FCHSD2: variants seen among roughly 807,000 people sequenced by gnomAD.
FCHSD2 encodes FCH and double SH3 domains 2, also known as F-BAR and double SH3 domains protein 2.
A neutral mutation model predicts 108.1 loss-of-function variants in FCHSD2; 38 were observed. That is an observed-to-expected ratio of 0.35 (90% CI 0.27 to 0.46). The LOEUF (loss-of-function observed/expected upper bound fraction) is 0.46, where lower values mean the gene tolerates loss of function less well. Ranked by LOEUF, FCHSD2 falls within the 20% of genes least tolerant of loss-of-function variation. The pLI, the probability that FCHSD2 is intolerant of heterozygous loss-of-function variation, is 1.00. For synonymous variants in FCHSD2, 279 were observed against 314.7 expected, an observed-to-expected ratio of 0.89 and a Z score of 1.20; for missense variants, 751 against 897.8, an observed-to-expected ratio of 0.84 and a Z score of 2.09.
At chr11:72,893,761 A>C (rs951930189) in intron 10 of FCHSD2, among the ~76,000 whole-genome samples, 8 of 152,158 alleles carry the variant, frequency 5.3e-5, no homozygotes, top group Non-Finnish European at 1.2e-4. Flanking sequence ...AAAAAAAAAA[A>C]ACTCTAGTCC....
intron 14 of FCHSD2, among the ~76,000 whole-genome samples, chr11:72,844,927 C>A (rs548134043): frequency 2.4e-4 from 36 of 152,238 alleles, no homozygotes; most frequent in African/African-American, 7.2e-4. Flanking sequence ...CACTCATTTA[C>A]CCTTGATAGC....
chr11:73,084,545 C>G (rs1430690402), intron 2 of FCHSD2, among the ~76,000 whole-genome samples: 1 of 152,120 alleles, frequency 6.6e-6, no homozygotes, highest in African/African-American at 2.4e-5. Context: ...TGCACACCAC[C>G]ACATCTGGTT....
Position 72,843,478 on chromosome 11 carries a change from C to T in FCHSD2, c.1498G>A (p.Glu500Lys). 6.2e-7 allele frequency: 1 copy of T among 1,613,792 alleles called. No individual in the cohort carries two copies. The highest frequency in any genetic ancestry group is 1.1e-5 in the South Asian group (1 of 91,082). The change falls in exon 15 of 20, where the codon GAA (glutamate) becomes AAA (lysine). Residue 500 changes from glutamate to lysine, a missense_variant. Coordinates refer to ENST00000409418, the MANE Select transcript of FCHSD2 (RefSeq NM_014824.3). Reference sequence around the variant, plus strand: ...ACCCAGTCTTCCATATCTCCATCTTCAATCACTTCTAACACCTCATGTTCC... The same window carrying T: ...ACCCAGTCTTCCATATCTCCATCTTTAATCACTTCTAACACCTCATGTTCC... ...IEEHEVLEVIEDGDMEDWVKA... is the reference protein window; with the variant it reads ...IEEHEVLEVIKDGDMEDWVKA...
chr11:72,968,393 C>A (rs1387454022), intron 8 of FCHSD2, among the ~76,000 whole-genome samples: 1 of 152,142 alleles, frequency 6.6e-6, no homozygotes, highest in African/African-American at 2.4e-5. Context: ...ACGGTTACTC[C>A]TCTCCAGAGG....
Position 72,887,909 on chromosome 11 carries a change from G to A in FCHSD2, c.1042-335C>T, listed in dbSNP as rs1381621881. On this transcript the variant is annotated intron_variant, in intron 11 of 19. Coordinates refer to ENST00000409418, the MANE Select transcript of FCHSD2 (RefSeq NM_014824.3). ...CTTGTTCTATGGCATTAAGTTTGAGGTGGTTTGTTAAGCAACATTACATAA... is the reference window on the plus strand; with the variant it reads ...CTTGTTCTATGGCATTAAGTTTGAGATGGTTTGTTAAGCAACATTACATAA... 3.3e-5 allele frequency among the ~76,000 whole-genome samples: 5 copies of A among 152,302 alleles called. No individual in the cohort carries two copies. The East Asian group carries it at 5.8e-4, about 18-fold the overall frequency.
At chr11:72,871,128 G>A (rs1854849123) in intron 12 of FCHSD2, among the ~76,000 whole-genome samples, 1 of 152,240 alleles carries the variant, frequency 6.6e-6, no homozygotes, top group Admixed American at 6.5e-5. Context: ...AGTAACCACA[G>A]AACTAGTTTT....
intron 4 of FCHSD2, among the ~76,000 whole-genome samples, chr11:73,005,124 T>C (rs770280142): frequency 6.6e-6 from 1 of 152,242 alleles, no homozygotes; most frequent in Non-Finnish European, 1.5e-5. Flanking sequence ...TACTGGAGCA[T>C]TCTTATGAGC....
chr11:72,846,873 TTTC>T (rs1190095948), intron 14 of FCHSD2, among the ~76,000 whole-genome samples: 2 of 152,138 alleles, frequency 1.3e-5, no homozygotes, highest in Admixed American at 6.6e-5. Flanking sequence ...GACATAAGGG[TTTC>T]TTCTTATATA....
rs566284323 is a variant in FCHSD2 at position 72,877,407 on chromosome 11, A to G, written c.1147-9381T>C. 3.9e-5 allele frequency among the ~76,000 whole-genome samples: 6 copies of G among 152,264 alleles called. No homozygotes were observed. In the East Asian group the frequency reaches 9.6e-4, roughly 24 times the overall value. The stretch of plus-strand genomic sequence containing the variant: ...AGGGCTATATAATGGAAATATCACT[A>G]AGTATAGTCTTGTTCTTTCAAGGAG... On this transcript the variant is annotated intron_variant, in intron 12 of 19. Coordinates refer to ENST00000409418, the MANE Select transcript of FCHSD2 (RefSeq NM_014824.3).
intron 3 of FCHSD2, among the ~76,000 whole-genome samples, chr11:73,050,507 A>ATT (rs1858873762): frequency 6.6e-6 from 1 of 152,190 alleles, no homozygotes; most frequent in Non-Finnish European, 1.5e-5. Context: ...CTGAATATAT[A>ATT]AGGCTCTTAA....
At chr11:73,016,400 TTA>T (rs1485006700) in intron 3 of FCHSD2, among the ~76,000 whole-genome samples, 1 of 152,146 alleles carries the variant, frequency 6.6e-6, no homozygotes, top group African/African-American at 2.4e-5. Flanking sequence ...CCTTTTTTCA[TTA>T]TTGTCCAGTC....
chr11:72,910,673 G>A (rs1389846211), intron 9 of FCHSD2, among the ~76,000 whole-genome samples: 1 of 151,962 alleles, frequency 6.6e-6, no homozygotes, highest in African/African-American at 2.4e-5. Flanking sequence ...AGTACCCAGG[G>A]ATACAAACAC....
Position 72,917,470 on chromosome 11 carries a change from C to T in FCHSD2, c.828+4358G>A, listed in dbSNP as rs952197656. Among the ~76,000 whole-genome samples, 4 of 152,198 alleles carry T rather than the reference C, an allele frequency of 2.6e-5. 1 individual carries two copies. The highest frequency in any genetic ancestry group is 4.1e-4 in the South Asian group (2 of 4,830). On this transcript the variant is annotated intron_variant, in intron 9 of 19. Coordinates refer to ENST00000409418, the MANE Select transcript of FCHSD2 (RefSeq NM_014824.3). ...TATGTCTATACTTATGTCCATACCA[C>T]GCTATCTTTACTACTGTAACTTTAT...
intron 3 of FCHSD2, among the ~76,000 whole-genome samples, chr11:73,045,988 ATTT>A (rs11289761): frequency 2.9e-4 from 40 of 136,632 alleles, no homozygotes; most frequent in Admixed American, 3.6e-4. Flanking sequence ...AATTTCAGTA[ATTT>A]TTTTTTTTTT....
intron 9 of FCHSD2, among the ~76,000 whole-genome samples, chr11:72,905,477 T>C (rs896839521): frequency 5.9e-5 from 9 of 152,218 alleles, no homozygotes; most frequent in African/African-American, 1.2e-4. Context: ...CTAGGGTACA[T>C]AGGCACAACG....
Position 73,031,042 on chromosome 11 carries a change from G to C in FCHSD2, c.166-15157C>G, listed in dbSNP as rs570475349. ...ACTATTCAGCCTTAAAAAAAAGGGA[G>C]ATCCTGCTATTTGTCACAACATGTA... On this transcript the variant is annotated intron_variant, in intron 3 of 19. Transcript: ENST00000409418. 2.0e-5 allele frequency among the ~76,000 whole-genome samples: 3 copies of C among 152,132 alleles called. No individual in the cohort carries two copies. The South Asian group carries it at 6.2e-4, about 32-fold the overall frequency.
chr11:72,960,282 G>A (rs1435979800), intron 8 of FCHSD2, among the ~76,000 whole-genome samples: 1 of 151,960 alleles, frequency 6.6e-6, no homozygotes, highest in African/African-American at 2.4e-5. Context: ...GATTCATGAG[G>A]GATCCACCCT....
chr11:72,949,187 G>A (rs575883281), intron 8 of FCHSD2, among the ~76,000 whole-genome samples: 1 of 151,800 alleles, frequency 6.6e-6, no homozygotes, highest in East Asian at 1.9e-4. Context: ...GGTGGCTCAC[G>A]CCTGTAATCC....
intron 10 of FCHSD2, among the ~76,000 whole-genome samples, chr11:72,890,842 T>TC: frequency 6.6e-6 from 1 of 152,086 alleles, no homozygotes; most frequent in Non-Finnish European, 1.5e-5. Context: ...ATTTTAATTC[T>TC]CTCTAAATTC....
Sources: allele counts gnomAD v4.1 joint callset (sites outside exome capture counted in the v4.1 genomes callset), GRCh38; gene constraint gnomAD v4.1.1; transcripts MANE v1.5; gene names NCBI Gene and HGNC (gene_info 2026-07-23, HGNC 2026-07-21).